Variants in EVC observed in about 807,000 individuals in gnomAD.
EVC encodes the protein evC complex member EVC.
A neutral mutation model predicts 118.9 loss-of-function variants in EVC; 116 were observed. The ratio of observed to expected loss-of-function variants is 0.98; its 90% CI spans 0.84 to 1.14. The LOEUF is 1.14. Ranked by LOEUF, EVC falls within the 50% of genes most tolerant of loss-of-function variation. The probability of loss-of-function intolerance (pLI) is 0.00; values close to 1 mark genes in which losing one functional copy is unlikely to be tolerated. For missense variants in EVC, 1,401 were observed against 1,246.4 expected, an observed-to-expected ratio of 1.12 and a Z score of -1.87; for synonymous variants, 619 against 534.7, an observed-to-expected ratio of 1.16 and a Z score of -2.18.
intron 5 of EVC, among the ~76,000 whole-genome samples, chr4:5,739,724 T>G (rs971647987): frequency 1.2e-4 from 19 of 152,162 alleles, no homozygotes; most frequent in Non-Finnish European, 2.4e-4. Flanking sequence ...AAAAAAAATT[T>G]GCTGTTTCAC....
At chr4:5,814,707 C>A (rs1313237488), downstream of EVC, among the ~76,000 whole-genome samples, 1 of 152,070 alleles carries the variant, frequency 6.6e-6, no homozygotes, top group Non-Finnish European at 1.5e-5. Context: ...TGGGCCACAC[C>A]CCTGCCCCCC....
In EVC at chr4:5,748,304, C is replaced by T. The variant is rs6854138; in HGVS notation, c.1096C>T (p.Leu366=). The T allele has an allele frequency of 5.8e-3, 9,411 of 1,613,968 alleles. 423 individuals are homozygous for T. In the African/African-American group the frequency reaches 0.1, roughly 18 times the overall value. Residue 366 remains leucine, a splice_region_variant and synonymous_variant, in exon 8 of 21, where the codon CTG becomes TTG. Transcript: ENST00000264956. ...GTGCGATTCTCAGGAGCTGCAGGCT[C>T]TGGTAATGCTGGAGGGGGCGGGAGG... ...LLCDSQELQA[L]DALERTMGRA...
intron 3 of EVC, among the ~76,000 whole-genome samples, chr4:5,730,909 C>T (rs539837914): frequency 7.3e-6 from 1 of 136,080 alleles, no homozygotes; most frequent in South Asian, 2.5e-4. Flanking sequence ...CTCCTGTGGG[C>T]GTGGTGTGCA....
chr4:5,736,735 C>T (rs1218686502), intron 5 of EVC, among the ~76,000 whole-genome samples: 3 of 152,150 alleles, frequency 2.0e-5, no homozygotes, highest in Non-Finnish European at 4.4e-5. Flanking sequence ...CATGCTGTGC[C>T]AGTATGAGAC....
chr4:5,742,475 A>G lies in EVC; in HGVS notation c.801+661A>G, dbSNP rs745729155. Among the ~76,000 whole-genome samples the G allele has an allele frequency of 1.1e-4, 16 of 152,020 alleles. No individual in the cohort carries two copies. Among genetic ancestry groups the G allele is most frequent in the East Asian group, 5.8e-4 (3 of 5,190 alleles). ...ATTTTGTATCACCATCACCACCACT[A>G]TTACTATCACAGTTCTCTTCTTCAT... is the stretch of plus-strand genomic sequence containing the variant. On this transcript the variant is annotated intron_variant, in intron 6 of 20. Transcript: ENST00000264956. This position sits in a 1 kb window ranked among gnomAD's most constrained non-coding sequence, Gnocchi z 5.2.
intron 1 of EVC, among the ~76,000 whole-genome samples, chr4:5,713,989 A>G (rs1047416866): frequency 1.3e-5 from 2 of 152,220 alleles, no homozygotes; most frequent in Middle Eastern, 3.2e-3. Flanking sequence ...ACCTACCCTG[A>G]TGCACAGGTG....
Position 5,719,379 on chromosome 4 carries a change from C to T in EVC, c.300+6C>T, listed in dbSNP as rs775063787. 6.2e-6 allele frequency: 10 copies of T among 1,613,972 alleles called. No homozygotes were observed. In the African/African-American group the frequency reaches 1.1e-4, roughly 17 times the overall value. ...AGGACAAGGAAGCTGTTGATGTAAG[C>T]TTGGTGTTGATGTTTGTTTGTGGAG... On this transcript the variant is annotated splice_donor_region_variant and intron_variant, in intron 2 of 20. Transcript: ENST00000264956. This position sits in a 1 kb window ranked among gnomAD's most constrained non-coding sequence, Gnocchi z 4.7.
At chr4:5,762,587 T>C (rs574757989) in intron 11 of EVC, among the ~76,000 whole-genome samples, 99 of 149,424 alleles carry the variant, frequency 6.6e-4, no homozygotes, top group Admixed American at 4.0e-4. Flanking sequence ...TTTTAATGAT[T>C]GCCATTCTGA....
At chr4:5,814,925 C>T (rs1182690901), downstream of EVC, among the ~76,000 whole-genome samples, 1 of 152,052 alleles carries the variant, frequency 6.6e-6, no homozygotes, top group African/African-American at 2.4e-5. Flanking sequence ...GGGGTGAGGT[C>T]GGTGGGGGAG....
At position 5,745,126 on chromosome 4, in the gene EVC, C is replaced by T. The variant is rs1577406440; in HGVS notation, c.802-78C>T. 21 of 1,392,180 alleles carry T rather than the reference C, an allele frequency of 1.5e-5. No homozygotes were observed. The East Asian group carries it at 4.6e-4, about 31-fold the overall frequency. 86.2% of individuals were successfully genotyped at this position (1,392,180 alleles called of 1,614,324 possible). ...TTTTGTGAAATTTGAAAAATAAAAGCATTTATTTTTCTAGAATTTAAGACA... is the reference window on the plus strand; with the variant it reads ...TTTTGTGAAATTTGAAAAATAAAAGTATTTATTTTTCTAGAATTTAAGACA... On this transcript the variant is annotated intron_variant, in intron 6 of 20. Coordinates refer to ENST00000264956, the MANE Select transcript of EVC (RefSeq NM_153717.3).
chr4:5,723,637 G>C (rs1466146303), intron 2 of EVC, among the ~76,000 whole-genome samples: 1 of 151,918 alleles, frequency 6.6e-6, no homozygotes, highest in African/African-American at 2.4e-5. Context: ...AAATGCACAG[G>C]GCCCTTTTGC....
At chr4:5,781,564 C>T (rs989984778) in intron 11 of EVC, among the ~76,000 whole-genome samples, 8 of 152,040 alleles carry the variant, frequency 5.3e-5, no homozygotes, top group African/African-American at 1.7e-4. Flanking sequence ...GGGCTGGGCG[C>T]GGTGGCCCAC....
At chr4:5,717,945 G>A (rs192430717) in intron 1 of EVC, among the ~76,000 whole-genome samples, 6 of 152,290 alleles carry the variant, frequency 3.9e-5, no homozygotes, top group Admixed American at 6.5e-5. Flanking sequence ...TATTTTGTTC[G>A]TTACTCTATT....
At chr4:5,823,255 G>T in the EVC span, among the ~76,000 whole-genome samples, 2 of 152,148 alleles carry the variant, frequency 1.3e-5, no homozygotes, top group East Asian at 3.9e-4. Flanking sequence ...GTCTATGTAA[G>T]CCACTAAGAA....
At chr4:5,823,925 T>C in the EVC span, among the ~76,000 whole-genome samples, 1 of 152,224 alleles carries the variant, frequency 6.6e-6, no homozygotes, top group Non-Finnish European at 1.5e-5. Flanking sequence ...TGTGAGGTTG[T>C]TATGATGTTG....
intron 2 of EVC, among the ~76,000 whole-genome samples, chr4:5,722,486 C>T (rs1044227940): frequency 6.6e-6 from 1 of 152,164 alleles, no homozygotes; most frequent in Non-Finnish European, 1.5e-5. Flanking sequence ...GTGGATCGAG[C>T]TATAACTTTC....
In EVC at chr4:5,719,185, C is replaced by G. The variant is rs1457984222; in HGVS notation, c.175-63C>G. The G allele has an allele frequency of 2.5e-6, 4 of 1,610,608 alleles. No homozygotes were observed. The highest frequency in any genetic ancestry group is 2.2e-5 in the South Asian group (2 of 90,908). On this transcript the variant is annotated intron_variant, in intron 1 of 20. Transcript: ENST00000264956. The surrounding 1 kb of genome is among the most constrained non-coding windows in gnomAD (Gnocchi z 4.7). The stretch of plus-strand genomic sequence containing the variant: ...GACTGGCAAAAGTCACGGTGGGGAC[C>G]AGGCCGACTGACCTCAATGTTGTGT...
intron 2 of EVC, among the ~76,000 whole-genome samples, chr4:5,724,180 C>T (rs1725428142): frequency 6.6e-6 from 1 of 152,186 alleles, no homozygotes; most frequent in Admixed American, 6.5e-5. Flanking sequence ...CATAAGGTGG[C>T]TGGAGACGGC....
intron 11 of EVC, among the ~76,000 whole-genome samples, chr4:5,769,511 A>T (rs1577507192): frequency 1.3e-5 from 2 of 152,260 alleles, no homozygotes; most frequent in East Asian, 3.9e-4. Context: ...GTCCATTTTC[A>T]GTTCACTTGG....
Sources: gnomAD v4.1 joint callset for allele counts (sites outside exome capture counted in the v4.1 genomes callset) on GRCh38, gnomAD v4.1.1 for gene constraint, Gnocchi (gnomAD v3.1) non-coding constraint, MANE v1.5 for transcripts, NCBI Gene and HGNC (gene_info 2026-07-23, HGNC 2026-07-21) for gene names.